The following SLC25A40 variants were observed in gnomAD, a reference collection of about 807,000 sequenced individuals.
The protein encoded by SLC25A40 is solute carrier family 25 member 40, also known as mitochondrial glutathione transporter SLC25A40.
SLC25A40 carries 41 observed loss-of-function variants against 46.5 expected under a neutral mutation model. The ratio of observed to expected loss-of-function variants is 0.88; its 90% confidence interval spans 0.69 to 1.14. The LOEUF (loss-of-function observed/expected upper bound fraction) is 1.14. SLC25A40 is among the 50% of genes most tolerant of loss of function. The probability of loss-of-function intolerance (pLI) is 0.00; values close to 1 mark genes in which losing one functional copy is unlikely to be tolerated. For synonymous variants in SLC25A40, 126 were observed against 127.5 expected (o/e 0.99, Z 0.08); for missense variants, 386 against 393.6 (o/e 0.98, Z 0.16).
In SLC25A40 at chr7:87,847,883, T is replaced by G; in HGVS notation, c.427A>C (p.Ile143Leu). The G allele has an allele frequency of 6.2e-7, 1 of 1,611,766 alleles. No homozygotes were observed. Among genetic ancestry groups the G allele is most frequent in the Non-Finnish European group, 8.5e-7 (1 of 1,179,220 alleles). The change falls in exon 7 of 12, where the codon ATA becomes CTA. Residue 143 changes from isoleucine (I) to leucine (L), a missense_variant. Physicochemically the swap from Ile to Leu is conservative, Grantham distance 5 (BLOSUM62 2). Transcript: ENST00000341119. ...GCTACAATTCCAGCAACAATTGGTA[T>G]GCAGGTTTCATTTTCTCCTAACTTA... ...RSKLGENETC[I>L]PIVAGIVARF... is the part of the protein sequence containing the mutation.
chr7:87,853,365 C>T (rs1455445822), intron 5 of SLC25A40, among the ~76,000 whole-genome samples: 1 of 152,162 alleles, frequency 6.6e-6, no homozygotes, highest in Non-Finnish European at 1.5e-5. Flanking sequence ...GGATCAGTCA[C>T]ACAGTGCTAA....
At chr7:87,843,718 T>C (rs1838369581) in intron 9 of SLC25A40, 36 bp downstream of exon 9, 1 of 1,480,546 alleles carries the variant, frequency 6.8e-7, no homozygotes, top group African/African-American at 1.4e-5. Context: ...CAACAATTAT[T>C]CTTCTGGAAT....
intron 3 of SLC25A40, among the ~76,000 whole-genome samples, chr7:87,856,664 A>G (rs1484485188): frequency 6.6e-6 from 1 of 152,088 alleles, no homozygotes. Flanking sequence ...ATAAGAAGTA[A>G]AAGTTCCAAA....
Position 87,865,605 on chromosome 7 carries a change from C to T in SLC25A40, c.-93-4965G>A, listed in dbSNP as rs137904393. 1.0e-3 allele frequency among the ~76,000 whole-genome samples: 152 copies of T among 152,134 alleles called. No homozygotes were observed. The Middle Eastern group carries it at 0.014, about 14-fold the overall frequency. On this transcript the variant is annotated intron_variant, in intron 1 of 11. Coordinates refer to ENST00000341119, the MANE Select transcript of SLC25A40 (RefSeq NM_018843.4). The stretch of plus-strand genomic sequence containing the variant: ...GGCCAAGAGGGCGAAACCCCAACTC[C>T]GTTAATAAAAATAAAAATTAGCCAG...
intron 9 of SLC25A40, 196 bp from the exon 10 acceptor site, chr7:87,841,910 A>C: frequency 3.1e-6 from 1 of 326,934 alleles, no homozygotes; most frequent in Non-Finnish European, 5.6e-6. Context: ...AAAAGTAAAA[A>C]GCCTCAGAAA....
intron 11 of SLC25A40, 122 bp from the exon 12 acceptor site, chr7:87,836,483 T>C: frequency 1.5e-6 from 1 of 654,108 alleles, no homozygotes; most frequent in Non-Finnish European, 2.4e-6. Context: ...TTCAAATCCA[T>C]AAATTGGTAG....
chr7:87,867,944 G>A (rs942688382), intron 1 of SLC25A40, among the ~76,000 whole-genome samples: 9 of 152,202 alleles, frequency 5.9e-5, no homozygotes, highest in African/African-American at 2.2e-4. Context: ...GGGGACCTGT[G>A]GAACATACCT....
chr7:87,865,602 C>T (rs1444506564), intron 1 of SLC25A40, among the ~76,000 whole-genome samples: 1 of 152,132 alleles, frequency 6.6e-6, no homozygotes, highest in Non-Finnish European at 1.5e-5. Flanking sequence ...GAAACCCCAA[C>T]TCCGTTAATA....
chr7:87,836,267 A>G lies in SLC25A40; in HGVS notation c.999T>C (p.Val333=). 2 of 1,585,978 alleles carry G rather than the reference A, an allele frequency of 1.3e-6. No homozygotes were observed. Among genetic ancestry groups the G allele is most frequent in the Non-Finnish European group, 1.7e-6 (2 of 1,169,096 alleles). Residue 333 remains valine (V), a synonymous_variant, in exon 12 of 12, where the codon GTT becomes GTC. Transcript: ENST00000341119. ...AGCATCACTAGTATTGCTGCCTTCG[A>G]ACATTTTGTTTCTGGAAAAAAGCCT... The part of the protein sequence containing the change: ...FGKAFFQKQN[V]RRQQY
chr7:87,873,044 G>A (rs1838919139), intron 1 of SLC25A40, among the ~76,000 whole-genome samples: 1 of 152,156 alleles, frequency 6.6e-6, no homozygotes, highest in African/African-American at 2.4e-5. Context: ...AGGATAGTGA[G>A]ACTATGAAAT....
intron 4 of SLC25A40, among the ~76,000 whole-genome samples, chr7:87,855,266 G>GACGC (rs1838592363): frequency 6.6e-6 from 1 of 152,122 alleles, no homozygotes; most frequent in Admixed American, 6.5e-5. Flanking sequence ...AGGGAACATG[G>GACGC]ACGCATATCT....
chr7:87,847,814 A>G (rs1328732412), intron 7 of SLC25A40, 39 bp downstream of exon 7: 4 of 1,581,208 alleles, frequency 2.5e-6, no homozygotes, highest in South Asian at 2.4e-5. Flanking sequence ...CAGAAGCTCT[A>G]AACAGAAATC....
chr7:87,857,310 T>G (rs1838629784), intron 3 of SLC25A40, among the ~76,000 whole-genome samples: 1 of 152,204 alleles, frequency 6.6e-6, no homozygotes, highest in Non-Finnish European at 1.5e-5. Flanking sequence ...AAAAGTTTAA[T>G]GTTGATAGGG....
rs184757613 is a variant in SLC25A40, at chr7:87,868,289, C to T, written c.-93-7649G>A. On this transcript the variant is annotated intron_variant, in intron 1 of 11. Transcript: ENST00000341119. ...AAAAGTATCTGTGATACTCTCAAAC[C>T]GTGTTTTTCCTCTGCTCTCACACCA... Among the ~76,000 whole-genome samples the T allele has an allele frequency of 7.8e-4, 119 of 152,304 alleles. 3 individuals are homozygous for T. In the South Asian group the frequency reaches 0.021, roughly 27 times the overall value.
chr7:87,847,509 A>C (rs921407334), intron 7 of SLC25A40, among the ~76,000 whole-genome samples: 3 of 152,080 alleles, frequency 2.0e-5, no homozygotes, highest in Non-Finnish European at 4.4e-5. Flanking sequence ...AAAACTCTGA[A>C]TCCCAAAGTT....
At chr7:87,874,538 A>C (rs1403121763) in intron 1 of SLC25A40, among the ~76,000 whole-genome samples, 2 of 152,162 alleles carry the variant, frequency 1.3e-5, no homozygotes, top group African/African-American at 4.8e-5. Context: ...AAGGAAACCA[A>C]GGATACCTGA....
At chr7:87,848,396 G>A (rs1838453751) in intron 6 of SLC25A40, among the ~76,000 whole-genome samples, 1 of 152,034 alleles carries the variant, frequency 6.6e-6, no homozygotes, top group South Asian at 2.1e-4. Context: ...GAGCAAGACT[G>A]TCTCTAAATA....
rs1838246359 is a variant in SLC25A40 at position 87,835,563 on chromosome 7, G to GA, written c.*685dup. On this transcript the variant is annotated 3_prime_UTR_variant, in exon 12 of 12. Transcript: ENST00000341119. ...CAGTAAAAAACTCCCTCTCTTACAG[G>GA]AATGGCAGAAATATAGACATTTAGT... The GA allele has an allele frequency of 6.6e-6, 1 of 151,410 alleles. No individual in the cohort carries two copies. Among genetic ancestry groups the GA allele is most frequent in the Non-Finnish European group, 1.5e-5 (1 of 67,630 alleles). 9.4% of individuals were successfully genotyped at this position (151,410 alleles called of 1,614,324 possible). A position where few individuals can be genotyped will look rare whatever the true frequency, so the allele number is the denominator to read the frequency against.
Position 87,851,147 on chromosome 7 carries a change from GAATT to G in SLC25A40, c.265-1203_265-1200del, listed in dbSNP as rs376622837. 3.0e-3 allele frequency among the ~76,000 whole-genome samples: 452 copies of G among 152,204 alleles called. 4 individuals carry two copies. The highest frequency in any genetic ancestry group is 0.01 in the African/African-American group (429 of 41,524). The stretch of plus-strand genomic sequence containing the variant: ...TCACACAGAAACATGAATGTCCATA[GAATT>G]AATTATTCCAAAAAGTAGAAACAAC... On this transcript the variant is annotated intron_variant, in intron 5 of 11. Coordinates refer to ENST00000341119, the MANE Select transcript of SLC25A40 (RefSeq NM_018843.4).
Sources: gnomAD v4.1 joint callset for allele counts (sites outside exome capture counted in the v4.1 genomes callset) on GRCh38, gnomAD v4.1.1 for gene constraint, MANE v1.5 for transcripts, NCBI Gene and HGNC (gene_info 2026-07-23, HGNC 2026-07-21) for gene names.